Variants in KCNJ15 observed in about 807,000 individuals in gnomAD.
The protein encoded by KCNJ15 is potassium inwardly rectifying channel subfamily J member 15, also known as ATP-sensitive inward rectifier potassium channel 15.
In KCNJ15, 14 loss-of-function variants were observed where a neutral mutation model predicts 23.0. That is an observed-to-expected ratio of 0.61 (90% CI 0.40 to 0.95). KCNJ15 has a LOEUF of 0.95. Among genes scored for constraint, KCNJ15 ranks in the 40% least tolerant of loss-of-function variants. The pLI is 0.00. For synonymous variants in KCNJ15, 185 were observed against 183.2 expected, an observed-to-expected ratio of 1.01 and a Z score of -0.08; for missense variants, 388 against 461.8, an observed-to-expected ratio of 0.84 and a Z score of 1.46.
rs202106585 is a variant in KCNJ15 at position 38,300,281 on chromosome 21, A to G, written c.1020A>G (p.Thr340=). The part of the protein sequence containing the change: ...FEQIRKSPDC[T]FYCADSEKQQ... ...AGATTCGGAAAAGCCCAGATTGCAC[A>G]TTTTACTGTGCAGATTCTGAGAAAC... Residue 340 remains threonine, a synonymous_variant, in exon 3 of 3, where the codon ACA becomes ACG. Coordinates refer to ENST00000398938, the MANE Select transcript of KCNJ15 (RefSeq NM_170736.3). 2 of 1,614,204 alleles carry G rather than the reference A, an allele frequency of 1.2e-6. No homozygotes were observed. Among genetic ancestry groups the G allele is most frequent in the East Asian group, 2.2e-5 (1 of 44,886 alleles).
rs146565915 is a variant in KCNJ15 at position 38,305,909 on chromosome 21, A to G, written c.*5520A>G. Reference sequence around the variant, plus strand: ...GAAACATATTTCCCTGGCTTGCCCAATTATCAAGGGAAAATTTCAGCTGAA... The same window carrying G: ...GAAACATATTTCCCTGGCTTGCCCAGTTATCAAGGGAAAATTTCAGCTGAA... On this transcript the variant is annotated 3_prime_UTR_variant, in exon 3 of 3. Coordinates refer to ENST00000398938, the MANE Select transcript of KCNJ15 (RefSeq NM_170736.3). 24 of 152,332 alleles carry G rather than the reference A, an allele frequency of 1.6e-4. No homozygotes were observed. In the East Asian group the frequency reaches 2.5e-3, roughly 16 times the overall value. 9.4% of individuals were successfully genotyped at this position (152,332 alleles called of 1,614,324 possible).
chr21:38,230,927 T>G (rs1193000882), intron 1 of KCNJ15, among the ~76,000 whole-genome samples: 1 of 152,106 alleles, frequency 6.6e-6, no homozygotes, highest in Non-Finnish European at 1.5e-5. Flanking sequence ...ATATACATTC[T>G]AGAATCACCA....
rs531335453 is a variant in KCNJ15 at position 38,259,652 on chromosome 21, A to G, written c.-117+2467A>G. ...ACAAGAGGCAAGTCAGACAGAGGTTATTGTCTACCTTCTCTCTCTTCTGTC... is the reference window on the plus strand; with the variant it reads ...ACAAGAGGCAAGTCAGACAGAGGTTGTTGTCTACCTTCTCTCTCTTCTGTC... On this transcript the variant is annotated intron_variant, in intron 1 of 2. Coordinates refer to ENST00000398938, the MANE Select transcript of KCNJ15 (RefSeq NM_170736.3). Among the ~76,000 whole-genome samples, 8 of 152,292 alleles carry G rather than the reference A, an allele frequency of 5.3e-5. 1 individual carries two copies. The highest frequency in any genetic ancestry group is 1.9e-4 in the African/African-American group (8 of 41,564).
intron 1 of KCNJ15, among the ~76,000 whole-genome samples, chr21:38,281,423 C>A (rs115350689): frequency 0.017 from 2,512 of 152,136 alleles, 91 homozygotes; most frequent in African/African-American, 0.058. Flanking sequence ...TAAAACCACC[C>A]CACAGCCCTC....
Position 38,270,829 on chromosome 21 carries a change from CA to C in KCNJ15, c.-117+13645del, listed in dbSNP as rs145508651. ...TTCTGCATTCTTTGCATTATAGTAA[CA>C]GACTGAAAAGGTTCATAAGTGTATT... On this transcript the variant is annotated intron_variant, in intron 1 of 2. Transcript: ENST00000398938. 5.5e-3 allele frequency among the ~76,000 whole-genome samples: 838 copies of C among 152,328 alleles called. 5 individuals are homozygous for C. Among genetic ancestry groups the C allele is most frequent in the African/African-American group, 0.019 (798 of 41,574 alleles).
chr21:38,284,621 A>G (rs1380139885), intron 1 of KCNJ15, among the ~76,000 whole-genome samples: 1 of 152,220 alleles, frequency 6.6e-6, no homozygotes, highest in Non-Finnish European at 1.5e-5. Flanking sequence ...TTTCAAAAGC[A>G]AGTTTGATCC....
intron 1 of KCNJ15, among the ~76,000 whole-genome samples, chr21:38,244,332 A>G (rs893507412): frequency 2.6e-5 from 4 of 152,210 alleles, no homozygotes; most frequent in East Asian, 1.9e-4. Flanking sequence ...ACTTAGGACC[A>G]AGAGGTGGAC....
At position 38,299,983 on chromosome 21, in the gene KCNJ15, C is replaced by T. The variant is rs145153718; in HGVS notation, c.722C>T (p.Ser241Phe). ...GCCACTGTCAAATTCCACGTGGACTCCTCCTCTGAGAGCCCCTTCCTCATT... is the reference window on the plus strand; with the variant it reads ...GCCACTGTCAAATTCCACGTGGACTTCTCCTCTGAGAGCCCCTTCCTCATT... The part of the protein sequence containing the change: ...NQATVKFHVD[S>F]SSESPFLILP... Residue 241 changes from serine (S) to phenylalanine (F), a missense_variant, in exon 3 of 3, where the codon TCC (serine) becomes TTC (phenylalanine). By Grantham distance (155) the Ser-to-Phe change is radical (BLOSUM62 -2). Transcript: ENST00000398938. The surrounding 1 kb of genome is among the most constrained non-coding windows in gnomAD (Gnocchi z 4.5). 8.7e-6 allele frequency: 14 copies of T among 1,613,946 alleles called. No homozygotes were observed. The highest frequency in any genetic ancestry group is 1.1e-5 in the South Asian group (1 of 91,082).
chr21:38,295,936 C>T (rs994747696), intron 1 of KCNJ15, among the ~76,000 whole-genome samples: 2 of 152,146 alleles, frequency 1.3e-5, no homozygotes, highest in African/African-American at 4.8e-5. Flanking sequence ...CTGGCAGGAT[C>T]CAGCCTGTAA....
At chr21:38,245,598 A>G (rs1979314649) in intron 1 of KCNJ15, among the ~76,000 whole-genome samples, 1 of 151,684 alleles carries the variant, frequency 6.6e-6, no homozygotes, top group Admixed American at 6.6e-5. Flanking sequence ...AGAGAGAGAA[A>G]GAAAGAAAGG....
At position 38,257,717 on chromosome 21, in the gene KCNJ15, T is replaced by G. The variant is rs146308223; in HGVS notation, c.-117+532T>G. Among the ~76,000 whole-genome samples the G allele has an allele frequency of 1.2e-4, 18 of 152,378 alleles. No homozygotes were observed. In the East Asian group the frequency reaches 3.5e-3, roughly 29 times the overall value. On this transcript the variant is annotated intron_variant, in intron 1 of 2. Transcript: ENST00000398938. Reference sequence around the variant, plus strand: ...GTAAGGAATGTAAACGATCCTGAGTTTGGAAATATTATGAACTTTGTTCAT... The same window carrying G: ...GTAAGGAATGTAAACGATCCTGAGTGTGGAAATATTATGAACTTTGTTCAT...
In KCNJ15 at chr21:38,305,876, G is replaced by C. The variant is rs1986037515; in HGVS notation, c.*5487G>C. On this transcript the variant is annotated 3_prime_UTR_variant, in exon 3 of 3. Coordinates refer to ENST00000398938, the MANE Select transcript of KCNJ15 (RefSeq NM_170736.3). Reference sequence around the variant, plus strand: ...ATACAACTAGTAGTAGAGTCAGGGAGTATTCCAGAAACATATTTCCCTGGC... The same window carrying C: ...ATACAACTAGTAGTAGAGTCAGGGACTATTCCAGAAACATATTTCCCTGGC... 1 of 152,246 alleles carries C rather than the reference G, an allele frequency of 6.6e-6. No homozygotes were observed. The highest frequency in any genetic ancestry group is 1.5e-5 in the Non-Finnish European group (1 of 68,040). The allele number at this position is 152,246 out of a possible 1,614,324, so 9.4% of individuals were successfully genotyped here.
upstream of KCNJ15, among the ~76,000 whole-genome samples, chr21:38,254,795 T>C (rs1272465991): frequency 6.6e-6 from 1 of 152,200 alleles, no homozygotes; most frequent in Non-Finnish European, 1.5e-5. Flanking sequence ...CATTTTGATC[T>C]GAGCATGGAC....
intron 1 of KCNJ15, among the ~76,000 whole-genome samples, chr21:38,234,420 T>C (rs954744430): frequency 1.3e-5 from 2 of 152,226 alleles, no homozygotes; most frequent in African/African-American, 4.8e-5. Context: ...GATTACTTAC[T>C]GCAGCCCTGG....
At chr21:38,264,146 C>T (rs1377773063) in intron 1 of KCNJ15, among the ~76,000 whole-genome samples, 5 of 152,226 alleles carry the variant, frequency 3.3e-5, no homozygotes, top group Admixed American at 2.0e-4. Context: ...TGGGCACTCA[C>T]TGAATGTAGT....
At chr21:38,230,342 A>G (rs1321155525) in intron 1 of KCNJ15, among the ~76,000 whole-genome samples, 2 of 152,036 alleles carry the variant, frequency 1.3e-5, no homozygotes, top group Non-Finnish European at 2.9e-5. Context: ...GTAAATGTCT[A>G]TTTAGATCCA....
At chr21:38,274,797 C>A (rs1488987336) in intron 1 of KCNJ15, among the ~76,000 whole-genome samples, 2 of 152,178 alleles carry the variant, frequency 1.3e-5, no homozygotes, top group Non-Finnish European at 2.9e-5. Context: ...TGGCCTTTCT[C>A]CAGTTCTTTT....
At chr21:38,273,369 T>C (rs557655757) in intron 1 of KCNJ15, among the ~76,000 whole-genome samples, 1 of 152,352 alleles carries the variant, frequency 6.6e-6, no homozygotes, top group South Asian at 2.1e-4. Flanking sequence ...TTAATCTTAG[T>C]GCAGGAAGAC....
intron 1 of KCNJ15, chr21:38,238,506 G>A (rs895180515): frequency 1.5e-6 from 1 of 645,266 alleles, no homozygotes; most frequent in African/African-American, 1.8e-5. Context: ...GCTGGGCTGA[G>A]AGGGCACGGA....
Sources: allele counts gnomAD v4.1 joint callset (sites outside exome capture counted in the v4.1 genomes callset), GRCh38; gene constraint gnomAD v4.1.1; non-coding constraint Gnocchi (gnomAD v3.1); transcripts MANE v1.5; gene names NCBI Gene and HGNC (gene_info 2026-07-23, HGNC 2026-07-21).